Variants in CCDC175 observed in about 807,000 individuals in gnomAD.
The protein encoded by CCDC175 is coiled-coil domain-containing protein 175.
CCDC175 carries 100 observed loss-of-function variants against 114.6 expected under a neutral mutation model. That is an observed-to-expected ratio of 0.87 (90% CI 0.74 to 1.03). The LOEUF is 1.03. Ranked by LOEUF, CCDC175 falls within the 50% of genes least tolerant of loss-of-function variation. The probability of loss-of-function intolerance (pLI) is 0.00; values close to 1 mark genes in which losing one functional copy is unlikely to be tolerated. For synonymous variants in CCDC175, 306 were observed against 308.7 expected (o/e 0.99, Z 0.09); for missense variants, 880 against 917.8 (o/e 0.96, Z 0.53).
chr14:59,538,134 C>A lies in CCDC175; in HGVS notation c.1512G>T (p.Glu504Asp), dbSNP rs1452926262. 2 of 1,534,712 alleles carry A rather than the reference C, an allele frequency of 1.3e-6. No individual in the cohort carries two copies. Among genetic ancestry groups the A allele is most frequent in the Admixed American group, 2.0e-5 (1 of 50,940 alleles). ...LLNETSFRQQ[E>D]ISGFVAQIEK... ...CAATCTGTGCCACAAATCCACTGAT[C>A]TCCTGTTGTCTGAAACTGGTCTAAT... Residue 504 changes from glutamate to aspartate, a missense_variant, in exon 13 of 20, where the codon GAG becomes GAT. Physicochemically the swap from Glu to Asp is conservative, Grantham distance 45. Coordinates refer to ENST00000537690, the MANE Select transcript of CCDC175 (RefSeq NM_001164399.2).
intron 13 of CCDC175, among the ~76,000 whole-genome samples, chr14:59,534,740 T>C (rs1225524921): frequency 6.6e-6 from 1 of 152,124 alleles, no homozygotes; most frequent in East Asian, 1.9e-4. Context: ...TGATAGAAGA[T>C]TTACAACGGA....
rs1159886144 is a variant in CCDC175 at position 59,553,973 on chromosome 14, T to C, written c.954-2537A>G. Among the ~76,000 whole-genome samples, 3 of 152,240 alleles carry C rather than the reference T, an allele frequency of 2.0e-5. No homozygotes were observed. The East Asian group carries it at 5.8e-4, about 29-fold the overall frequency. On this transcript the variant is annotated intron_variant, in intron 7 of 19. Coordinates refer to ENST00000537690, the MANE Select transcript of CCDC175 (RefSeq NM_001164399.2). ...CACCCAGATTCATAAAGCAAGTCCT[T>C]AGAGACCTGGAAAGAGACTTAGACT...
intron 10 of CCDC175, among the ~76,000 whole-genome samples, chr14:59,542,777 CTTAT>C (rs1424287155): frequency 3.3e-5 from 5 of 151,874 alleles, no homozygotes; most frequent in Non-Finnish European, 7.4e-5. Flanking sequence ...AACATTTTAC[CTTAT>C]TTGTTTTATC....
chr14:59,549,725 A>AAAAAAAAAAT (rs1252837181), intron 8 of CCDC175, among the ~76,000 whole-genome samples: 1 of 150,788 alleles, frequency 6.6e-6, no homozygotes, highest in Non-Finnish European at 1.5e-5. Flanking sequence ...GTCTCAAAAA[A>AAAAAAAAAAT]AAAAAGAAAA....
intron 14 of CCDC175, among the ~76,000 whole-genome samples, chr14:59,530,677 C>T (rs74059540): frequency 0.062 from 9,404 of 152,090 alleles, 388 homozygotes; most frequent in Middle Eastern, 0.11. Flanking sequence ...TAAAAATCCA[C>T]CCTCCTTGGC....
rs1486494762 is a variant in CCDC175 at position 59,511,777 on chromosome 14, A to G, written c.2125T>C (p.Phe709Leu). 1 of 1,536,428 alleles carries G rather than the reference A, an allele frequency of 6.5e-7. No homozygotes were observed. Reference protein sequence around the residue: ...EAQYKDLWAEFQTTVKILVDN... With the variant: ...EAQYKDLWAELQTTVKILVDN... Reference sequence around the variant, plus strand: ...AAACTCACCTTAACTGTGGTCTGAAATTCAGCCCACAAATCCTTATATTGT... The same window carrying G: ...AAACTCACCTTAACTGTGGTCTGAAGTTCAGCCCACAAATCCTTATATTGT... The change falls in exon 18 of 20, where the codon TTT (phenylalanine) becomes CTT (leucine). Residue 709 changes from phenylalanine (F) to leucine (L), a missense_variant. Phe to Leu is a conservative substitution (Grantham distance 22, BLOSUM62 0). Coordinates refer to ENST00000537690, the MANE Select transcript of CCDC175 (RefSeq NM_001164399.2).
At chr14:59,570,025 G>A (rs1041674441) in intron 3 of CCDC175, among the ~76,000 whole-genome samples, 1 of 152,196 alleles carries the variant, frequency 6.6e-6, no homozygotes, top group African/African-American at 2.4e-5. Context: ...TGGGCTGATG[G>A]AACTTGCTGG....
At chr14:59,572,656 G>T in intron 3 of CCDC175, 46 bp downstream of exon 3, 1 of 1,058,156 alleles carries the variant, frequency 9.5e-7, no homozygotes, top group Non-Finnish European at 1.3e-6. Context: ...ACTTCATTCT[G>T]TTATAAGATC....
At chr14:59,519,367 T>C (rs1893294337) in intron 17 of CCDC175, among the ~76,000 whole-genome samples, 2 of 151,704 alleles carry the variant, frequency 1.3e-5, no homozygotes, top group Non-Finnish European at 1.5e-5. Flanking sequence ...ACATAAACAC[T>C]GAAACTAAAA....
At chr14:59,551,976 G>C (rs932673635) in intron 7 of CCDC175, among the ~76,000 whole-genome samples, 4 of 152,258 alleles carry the variant, frequency 2.6e-5, no homozygotes, top group African/African-American at 9.6e-5. Context: ...CCTGGAAGAT[G>C]GAACAGGGTG....
chr14:59,553,674 T>C (rs1895679865), intron 7 of CCDC175, among the ~76,000 whole-genome samples: 1 of 152,098 alleles, frequency 6.6e-6, no homozygotes, highest in African/African-American at 2.4e-5. Context: ...ACTGGCAAAT[T>C]GGATAAAAAG....
rs1555344324 is a variant in CCDC175, at chr14:59,540,666, T to TC, written c.1355+8_1355+9insG. ...AAATAAACTTTTTTTTTTTTTTTTT[T>TC]TTTTTTACCATCTCTGACTTTCTCT... On this transcript the variant is annotated intron_variant, in intron 11 of 19. Transcript: ENST00000537690. 4 of 1,507,968 alleles carry TC rather than the reference T, an allele frequency of 2.7e-6. No homozygotes were observed. Among genetic ancestry groups the TC allele is most frequent in the Non-Finnish European group, 3.5e-6 (4 of 1,135,712 alleles). The allele number at this position is 1,507,968 out of a possible 1,614,324, so 93.4% of individuals were successfully genotyped here. A position where few individuals can be genotyped will look rare whatever the true frequency, so the allele number is the denominator to read the frequency against.
chr14:59,553,175 A>G (rs1895638874), intron 7 of CCDC175, among the ~76,000 whole-genome samples: 1 of 152,184 alleles, frequency 6.6e-6, no homozygotes, highest in Non-Finnish European at 1.5e-5. Context: ...GATTCACCAA[A>G]GTTGAAATGA....
chr14:59,505,231 T>A lies in CCDC175; in HGVS notation c.*8A>T. 7.0e-7 allele frequency: 1 copy of A among 1,433,460 alleles called. No homozygotes were observed. Among genetic ancestry groups the A allele is most frequent in the Non-Finnish European group, 9.4e-7 (1 of 1,066,332 alleles). 88.8% of individuals were successfully genotyped at this position (1,433,460 alleles called of 1,614,324 possible). On this transcript the variant is annotated 3_prime_UTR_variant, in exon 20 of 20. Transcript: ENST00000537690. ...GTCTTTTGAATTCACAGCAGTTGTA[T>A]CCTTGAGTTACTTTGTTAATGTATT...
At chr14:59,565,600 G>A (rs529829875) in intron 4 of CCDC175, among the ~76,000 whole-genome samples, 90 of 152,068 alleles carry the variant, frequency 5.9e-4, no homozygotes, top group African/African-American at 2.1e-3. Flanking sequence ...CCAGCTACTC[G>A]GGAGGCTGAG....
chr14:59,564,182 G>T (rs987408053), intron 5 of CCDC175, among the ~76,000 whole-genome samples: 1 of 152,180 alleles, frequency 6.6e-6, no homozygotes, highest in Non-Finnish European at 1.5e-5. Flanking sequence ...AATCACCACA[G>T]CAGTGGTGAC....
chr14:59,516,154 A>T (rs761022520), intron 17 of CCDC175, among the ~76,000 whole-genome samples: 1 of 152,234 alleles, frequency 6.6e-6, no homozygotes, highest in Non-Finnish European at 1.5e-5. Context: ...AATCTCTGGG[A>T]CACATTCAAA....
intron 1 of CCDC175, 62 bp from the exon 2 acceptor site, chr14:59,575,090 T>A: frequency 1.1e-6 from 1 of 911,446 alleles, no homozygotes; most frequent in Non-Finnish European, 1.6e-6. Flanking sequence ...ACTTAACCTT[T>A]TATGATCTAG....
At chr14:59,541,897 TTAG>T (rs1412814408) in intron 10 of CCDC175, among the ~76,000 whole-genome samples, 12 of 152,204 alleles carry the variant, frequency 7.9e-5, no homozygotes, top group African/African-American at 2.4e-4. Context: ...TCCTCTTTTA[TTAG>T]TAGTTCGTAG....
Sources: allele counts gnomAD v4.1 joint callset (sites outside exome capture counted in the v4.1 genomes callset), GRCh38; gene constraint gnomAD v4.1.1; transcripts MANE v1.5; gene names NCBI Gene and HGNC (gene_info 2026-07-23, HGNC 2026-07-21).